Variants in FGF12 observed in about 807,000 individuals in gnomAD.
FGF12 encodes fibroblast growth factor 12B.
Under a neutral mutation model 23.6 loss-of-function variants are expected in FGF12, and 14 were observed. The observed-to-expected ratio is 0.59, with a 90% confidence interval of 0.39 to 0.93. FGF12 has a LOEUF of 0.93. FGF12 is among the 40% of genes least tolerant of loss of function. The pLI is 0.00. For missense variants in FGF12, 175 were observed against 217.8 expected (o/e 0.80, Z 1.24); for synonymous variants, 62 against 77.3 (o/e 0.80, Z 1.04).
At chr3:192,534,441 G>A (rs1399423457) in intron 2 of FGF12, among the ~76,000 whole-genome samples, 1 of 151,972 alleles carries the variant, frequency 6.6e-6, no homozygotes, top group African/African-American at 2.4e-5. Context: ...TGTTGCCCAG[G>A]ATGGAGTACA....
chr3:192,364,289 C>A (rs1279793584), intron 2 of FGF12, among the ~76,000 whole-genome samples: 2 of 152,166 alleles, frequency 1.3e-5, no homozygotes, highest in African/African-American at 4.8e-5. Context: ...TTCTATGAAG[C>A]TAATATTTTC....
chr3:192,357,470 G>A (rs989570053), intron 3 of FGF12, among the ~76,000 whole-genome samples: 2 of 150,526 alleles, frequency 1.3e-5, no homozygotes, highest in Non-Finnish European at 2.9e-5. Context: ...GACAGAGTGA[G>A]ACTCCATCTC....
At chr3:192,333,853 T>A (rs1041520725) in intron 4 of FGF12, among the ~76,000 whole-genome samples, 1 of 152,026 alleles carries the variant, frequency 6.6e-6, no homozygotes, top group Admixed American at 6.6e-5. Flanking sequence ...ATGCGAAATG[T>A]GGTACACATG....
At chr3:192,614,634 G>A (rs1961246) in intron 2 of FGF12, among the ~76,000 whole-genome samples, 37,225 of 151,748 alleles carry the variant, frequency 0.25, 4,623 homozygotes, top group Middle Eastern at 0.29. Context: ...ACTCTAATCC[G>A]TTTTTTTCTC....
At chr3:192,568,648 G>T (rs1216143188) in intron 2 of FGF12, among the ~76,000 whole-genome samples, 1 of 152,134 alleles carries the variant, frequency 6.6e-6, no homozygotes, top group Non-Finnish European at 1.5e-5. Flanking sequence ...CATTAGTTTT[G>T]AGAGTGTTTT....
intron 2 of FGF12, among the ~76,000 whole-genome samples, chr3:192,675,160 G>T (rs1449140332): frequency 1.3e-5 from 2 of 152,160 alleles, no homozygotes; most frequent in African/African-American, 4.8e-5. Flanking sequence ...AAAGCCTGTA[G>T]ATGGCCTGAG....
chr3:192,529,386 T>C (rs1356835336), intron 2 of FGF12, among the ~76,000 whole-genome samples: 1 of 152,192 alleles, frequency 6.6e-6, no homozygotes. Context: ...TGGATTTCAT[T>C]GTCCATATCA....
intron 4 of FGF12, among the ~76,000 whole-genome samples, chr3:192,185,857 T>TAA (rs560247896): frequency 4.5e-5 from 6 of 132,320 alleles, no homozygotes; most frequent in African/African-American, 8.4e-5. Context: ...AGGCTCCGTC[T>TAA]AAAAAAAAAA....
chr3:192,478,178 A>G lies in FGF12; in HGVS notation c.14-117640T>C, dbSNP rs925518541. Among the ~76,000 whole-genome samples, 14 of 152,292 alleles carry G rather than the reference A, an allele frequency of 9.2e-5. No homozygotes were observed. The East Asian group carries it at 1.2e-3, about 13-fold the overall frequency. On this transcript the variant is annotated intron_variant, in intron 2 of 5. Coordinates refer to ENST00000445105, the MANE Select transcript of FGF12 (RefSeq NM_004113.6). ...TGCCCTACCTAACCTCTCATAGAAC[A>G]TATATACTGAGCAATTACCGTTTTC...
At chr3:192,639,668 C>T (rs1335411038) in intron 2 of FGF12, among the ~76,000 whole-genome samples, 4 of 152,234 alleles carry the variant, frequency 2.6e-5, no homozygotes, top group South Asian at 2.1e-4. Context: ...ACAAAAACTG[C>T]ATCTGTACTG....
At chr3:192,676,321 G>A (rs1297790881) in intron 2 of FGF12, among the ~76,000 whole-genome samples, 1 of 152,158 alleles carries the variant, frequency 6.6e-6, no homozygotes, top group Non-Finnish European at 1.5e-5. Flanking sequence ...AGAGTCCTAG[G>A]AGCATAGAGT....
intron 4 of FGF12, among the ~76,000 whole-genome samples, chr3:192,211,995 C>T (rs1552832): frequency 0.39 from 59,494 of 152,030 alleles, 12,734 homozygotes; most frequent in East Asian, 0.93. Flanking sequence ...ATAGCGTTCT[C>T]CCAAATAGCC....
At chr3:192,170,129 A>T (rs1347597377) in intron 5 of FGF12, among the ~76,000 whole-genome samples, 6 of 121,608 alleles carry the variant, frequency 4.9e-5, no homozygotes, top group Admixed American at 3.5e-4. Context: ...TTTGTAATAG[A>T]ATTTTCCTTT....
At chr3:192,494,516 TC>T (rs1723889795) in intron 2 of FGF12, among the ~76,000 whole-genome samples, 1 of 152,224 alleles carries the variant, frequency 6.6e-6, no homozygotes, top group Non-Finnish European at 1.5e-5. Context: ...CTTTACCTGT[TC>T]CTTCTGAGTC....
intron 4 of FGF12, among the ~76,000 whole-genome samples, chr3:192,231,334 C>T (rs1402889131): frequency 6.6e-6 from 1 of 152,084 alleles, no homozygotes; most frequent in African/African-American, 2.4e-5. Flanking sequence ...CACAGAACAT[C>T]AACAACGAGA....
intron 4 of FGF12, among the ~76,000 whole-genome samples, chr3:192,180,579 T>G (rs887595369): frequency 2.6e-5 from 4 of 152,226 alleles, no homozygotes; most frequent in Non-Finnish European, 5.9e-5. Flanking sequence ...TGCACATATT[T>G]CAATTTCAAC....
intron 2 of FGF12, among the ~76,000 whole-genome samples, chr3:192,367,687 C>G (rs569491880): frequency 7.2e-5 from 11 of 152,146 alleles, no homozygotes; most frequent in Admixed American, 7.2e-4. Context: ...GAGAAGCAGG[C>G]CTGAGGCCCC....
chr3:192,560,266 T>C (rs1049674407), intron 2 of FGF12, among the ~76,000 whole-genome samples: 2 of 151,740 alleles, frequency 1.3e-5, no homozygotes, highest in Non-Finnish European at 2.9e-5. Flanking sequence ...ATTCTTATAT[T>C]TGAAAAAAAT....
chr3:192,146,018 C>T (rs147933034), intron 5 of FGF12, among the ~76,000 whole-genome samples: 6 of 152,232 alleles, frequency 3.9e-5, no homozygotes, highest in African/African-American at 1.4e-4. Flanking sequence ...CACAGGGGAA[C>T]GCAAGAAGCA....
Sources: gnomAD v4.1 joint callset for allele counts (sites outside exome capture counted in the v4.1 genomes callset) on GRCh38, gnomAD v4.1.1 for gene constraint, MANE v1.5 for transcripts, NCBI Gene and HGNC (gene_info 2026-07-23, HGNC 2026-07-21) for gene names.